CTNS: variants seen among roughly 807,000 people sequenced by gnomAD.
CTNS encodes the protein cystinosin, lysosomal cystine transporter.
Under a neutral mutation model 43.7 loss-of-function variants are expected in CTNS, and 27 were observed. The observed-to-expected ratio is 0.62, with a 90% CI of 0.46 to 0.85. The LOEUF is 0.85. Ranked by LOEUF, CTNS falls within the 40% of genes least tolerant of loss-of-function variation. The probability of loss-of-function intolerance (pLI) is 0.00; values close to 1 mark genes in which losing one functional copy is unlikely to be tolerated. For synonymous variants in CTNS, 187 were observed against 190.6 expected (o/e 0.98, Z 0.16); for missense variants, 457 against 475.4 (o/e 0.96, Z 0.36).
intron 3 of CTNS, among the ~76,000 whole-genome samples, chr17:3,640,571 C>T (rs1008963260): frequency 1.3e-5 from 2 of 152,222 alleles, no homozygotes; most frequent in Non-Finnish European, 2.9e-5. Context: ...CAAAGTCAAA[C>T]GGTAGAGCTC....
Position 3,656,759 on chromosome 17 carries a change from C to CA in CTNS, c.646dup (p.Thr216AsnfsTer12), listed in dbSNP as rs893207601. 13 of 1,613,368 alleles carry CA rather than the reference C, an allele frequency of 8.1e-6. No individual in the cohort carries two copies. The highest frequency in any genetic ancestry group is 5.0e-5 in the Admixed American group (3 of 59,994). On this transcript the variant is annotated frameshift_variant, in exon 9 of 12. Transcript: ENST00000046640. LOFTEE classifies it high-confidence loss of function. ...TCTTCAGCCTGCACGCGGTTGTCCTCACGCTGATCATCATCGTGCAGTGCT... is the reference window on the plus strand; with the variant it reads ...TCTTCAGCCTGCACGCGGTTGTCCTCAACGCTGATCATCATCGTGCAGTGCT...
chr17:3,661,216 C>T lies in CTNS; in HGVS notation c.*847C>T, dbSNP rs146131305. The T allele has an allele frequency of 9.6e-3, 1,957 of 204,442 alleles. 15 individuals carry two copies. Among genetic ancestry groups the T allele is most frequent in the Non-Finnish European group, 0.015 (1,510 of 98,430 alleles). The allele number at this position is 204,442 out of a possible 1,614,324, so 12.7% of individuals were successfully genotyped here. Reference sequence around the variant, plus strand: ...TTAGAGGTCTGTTAGGCCTGCCAAACGGCGACCAGCTCCCCTGGAGCGAGG... The same window carrying T: ...TTAGAGGTCTGTTAGGCCTGCCAAATGGCGACCAGCTCCCCTGGAGCGAGG... On this transcript the variant is annotated 3_prime_UTR_variant, in exon 12 of 12. Transcript: ENST00000046640.
Position 3,660,918 on chromosome 17 carries a change from C to T in CTNS, c.*549C>T, listed in dbSNP as rs1479181451. On this transcript the variant is annotated 3_prime_UTR_variant, in exon 12 of 12. Coordinates refer to ENST00000046640, the MANE Select transcript of CTNS (RefSeq NM_004937.3). ...GACGTACTCTCTGTACATAACTCAG[C>T]GTCCGTGACTGCAGTAACAGCCAGC... 1.3e-5 allele frequency: 11 copies of T among 869,084 alleles called. No individual in the cohort carries two copies. The highest frequency in any genetic ancestry group is 1.1e-4 in the Admixed American group (5 of 45,830). The allele number at this position is 869,084 out of a possible 1,614,324, so 53.8% of individuals were successfully genotyped here. A position where few individuals can be genotyped will look rare whatever the true frequency, so the allele number is the denominator to read the frequency against.
rs1026057258 is a variant in CTNS at position 3,662,803 on chromosome 17, T to C, written c.*2434T>C. 5 of 152,098 alleles carry C rather than the reference T, an allele frequency of 3.3e-5. No individual in the cohort carries two copies. Among genetic ancestry groups the C allele is most frequent in the African/African-American group, 1.2e-4 (5 of 41,410 alleles). 9.4% of individuals were successfully genotyped at this position (152,098 alleles called of 1,614,324 possible). On this transcript the variant is annotated 3_prime_UTR_variant, in exon 12 of 12. Transcript: ENST00000046640. ...AGCTTTGTCCCAGAACAGTGGGGGA[T>C]GGGGCCATCATTAAAACCACAGCTC...
chr17:3,647,327 G>A (rs1375173302), intron 3 of CTNS, 117 bp from the exon 4 acceptor site: 1 of 852,596 alleles, frequency 1.2e-6, no homozygotes, highest in Non-Finnish European at 2.0e-6. Flanking sequence ...TCACAGAATA[G>A]GGCTCGTCAG....
Position 3,653,925 on chromosome 17 carries a change from T to C in CTNS, c.226-1073T>C, listed in dbSNP as rs116888850. On this transcript the variant is annotated intron_variant, in intron 5 of 11. Transcript: ENST00000046640. Reference sequence around the variant, plus strand: ...GGCATGCTTGGGAGATCAGATGTTGTAGGCAGGCCTCCGGGTACTTTCCTT... The same window carrying C: ...GGCATGCTTGGGAGATCAGATGTTGCAGGCAGGCCTCCGGGTACTTTCCTT... Among the ~76,000 whole-genome samples, 54 of 152,086 alleles carry C rather than the reference T, an allele frequency of 3.6e-4. 1 individual carries two copies. In the East Asian group the frequency reaches 6.4e-3, roughly 18 times the overall value.
At chr17:3,640,316 T>A (rs760604266) in intron 3 of CTNS, 49 bp downstream of exon 3, 5 of 1,541,774 alleles carry the variant, frequency 3.2e-6, no homozygotes, top group Non-Finnish European at 4.5e-6. Context: ...AAATGGTGGC[T>A]AGAGGAAGGA....
chr17:3,662,648 C>T lies in CTNS; in HGVS notation c.*2279C>T, dbSNP rs2076293484. On this transcript the variant is annotated 3_prime_UTR_variant, in exon 12 of 12. Transcript: ENST00000046640. Reference sequence around the variant, plus strand: ...GGCTTCACAGTAACACCCAAGAAAGCACACGCACCCCAGGGTCCCACCCCA... The same window carrying T: ...GGCTTCACAGTAACACCCAAGAAAGTACACGCACCCCAGGGTCCCACCCCA... 6.6e-6 allele frequency among the ~76,000 whole-genome samples: 1 copy of T among 152,210 alleles called. No individual in the cohort carries two copies. The highest frequency in any genetic ancestry group is 2.1e-4 in the South Asian group (1 of 4,834).
At chr17:3,654,893 G>T in intron 5 of CTNS, 105 bp from the exon 6 acceptor site, 1 of 847,082 alleles carries the variant, frequency 1.2e-6, no homozygotes, top group South Asian at 1.3e-5. Flanking sequence ...TGAGGCTGCG[G>T]GTGGTGCGTC....
intron 5 of CTNS, among the ~76,000 whole-genome samples, chr17:3,649,865 CAG>C (rs1304340332): frequency 6.6e-6 from 1 of 152,166 alleles, no homozygotes; most frequent in African/African-American, 2.4e-5. Flanking sequence ...GCAAGTCACT[CAG>C]GGCGCATAAC....
intron 4 of CTNS, among the ~76,000 whole-genome samples, chr17:3,648,538 G>T (rs1261690440): frequency 2.0e-5 from 3 of 152,164 alleles, no homozygotes; most frequent in African/African-American, 7.2e-5. Flanking sequence ...CCGACTCTCT[G>T]GGAAGCCTTT....
chr17:3,640,030 G>C, intron 2 of CTNS, 158 bp from the exon 3 acceptor site: 1 of 674,230 alleles, frequency 1.5e-6, no homozygotes, highest in Non-Finnish European at 2.7e-6. Flanking sequence ...GTCCTCTCTA[G>C]GGTGTCCCTC....
In CTNS at chr17:3,660,982, G is replaced by C. The variant is rs376651757; in HGVS notation, c.*613G>C. The C allele has an allele frequency of 3.6e-5, 21 of 585,872 alleles. No homozygotes were observed. In the African/African-American group the frequency reaches 3.7e-4, roughly 10 times the overall value. 36.3% of individuals were successfully genotyped at this position (585,872 alleles called of 1,614,324 possible). ...TTTCTGAGCCATGAGGGGCCCACCA[G>C]ATTGGTTCTGAATTGGATTCATGCC... On this transcript the variant is annotated 3_prime_UTR_variant, in exon 12 of 12. Coordinates refer to ENST00000046640, the MANE Select transcript of CTNS (RefSeq NM_004937.3).
At chr17:3,653,379 T>C (rs935092112) in intron 5 of CTNS, among the ~76,000 whole-genome samples, 1 of 151,892 alleles carries the variant, frequency 6.6e-6, no homozygotes, top group African/African-American at 2.4e-5. Flanking sequence ...TGCCACTGCA[T>C]TCCAGACTGG....
chr17:3,652,722 A>T (rs1411685784), intron 5 of CTNS, among the ~76,000 whole-genome samples: 1 of 152,172 alleles, frequency 6.6e-6, no homozygotes, highest in East Asian at 1.9e-4. Flanking sequence ...TCCAGAAGGG[A>T]TTTAGTGGCC....
chr17:3,657,104 G>A (rs1170191820), intron 9 of CTNS, among the ~76,000 whole-genome samples: 1 of 152,106 alleles, frequency 6.6e-6, no homozygotes, highest in Non-Finnish European at 1.5e-5. Flanking sequence ...GCACAGAAGG[G>A]AGGAGGGAGG....
chr17:3,639,902 A>G lies in CTNS; in HGVS notation c.-19-286A>G, dbSNP rs377716636. On this transcript the variant is annotated intron_variant, in intron 2 of 11. Transcript: ENST00000046640. ...CTTTCTTTCTGCTAACTAAGTTTTT[A>G]CAAAAAGCAATTGAAGAGGGAAAAA... is the stretch of plus-strand genomic sequence containing the variant. Among the ~76,000 whole-genome samples the G allele has an allele frequency of 2.0e-4, 30 of 152,356 alleles. No individual in the cohort carries two copies. In the East Asian group the frequency reaches 3.1e-3, roughly 16 times the overall value.
At chr17:3,651,054 C>A (rs538553190) in intron 5 of CTNS, among the ~76,000 whole-genome samples, 1 of 151,714 alleles carries the variant, frequency 6.6e-6, no homozygotes, top group African/African-American at 2.4e-5. Flanking sequence ...CCACCCGCCA[C>A]GGCCTCCTAA....
At chr17:3,651,361 C>T (rs2075978718) in intron 5 of CTNS, among the ~76,000 whole-genome samples, 2 of 152,138 alleles carry the variant, frequency 1.3e-5, no homozygotes, top group African/African-American at 2.4e-5. Flanking sequence ...TCCCAAAGTG[C>T]TGGGATTACA....
Sources: gnomAD v4.1 joint callset for allele counts (sites outside exome capture counted in the v4.1 genomes callset) on GRCh38, gnomAD v4.1.1 for gene constraint, MANE v1.5 for transcripts, NCBI Gene and HGNC (gene_info 2026-07-23, HGNC 2026-07-21) for gene names.